Variants in SKP1 observed in about 807,000 individuals in gnomAD.
SKP1 encodes the protein S-phase kinase-associated protein 1.
Under a neutral mutation model 21.5 loss-of-function variants are expected in SKP1, and 1 was observed. That is an observed-to-expected ratio of 0.05 (90% CI 0.02 to 0.22). The LOEUF is 0.22. Among genes scored for constraint, SKP1 ranks in the 10% least tolerant of loss-of-function variants. The pLI is 1.00. For synonymous variants in SKP1, 59 were observed against 59.3 expected (o/e 0.99, Z 0.03); for missense variants, 70 against 192.0 (o/e 0.36, Z 3.76).
At chr5:134,158,408 C>T (rs1761158242) in intron 5 of SKP1, 47 bp downstream of exon 5, 1 of 1,613,462 alleles carries the variant, frequency 6.2e-7, no homozygotes, top group Non-Finnish European at 8.5e-7. Context: ...AGGTGTTACT[C>T]CCTTTTTAAG....
chr5:134,175,059 G>A (rs1161573947), intron 1 of SKP1: 1 of 152,136 alleles, frequency 6.6e-6, no homozygotes, highest in African/African-American at 2.4e-5. Context: ...TTCTAGGTGT[G>A]TTGTATTACA....
intron 2 of SKP1, among the ~76,000 whole-genome samples, chr5:134,171,826 C>G (rs979544118): frequency 6.6e-6 from 1 of 152,182 alleles, no homozygotes; most frequent in African/African-American, 2.4e-5. Context: ...GGGCGGATCA[C>G]CTGAGGTCAG....
At chr5:134,167,534 T>C (rs1761354094) in intron 2 of SKP1, among the ~76,000 whole-genome samples, 1 of 152,094 alleles carries the variant, frequency 6.6e-6, no homozygotes, top group Admixed American at 6.5e-5. Context: ...AGGGGTTTTT[T>C]TTTTTTGAGA....
chr5:134,169,858 G>A (rs889219327), intron 2 of SKP1, among the ~76,000 whole-genome samples: 28 of 152,316 alleles, frequency 1.8e-4, no homozygotes, highest in African/African-American at 6.0e-4. Context: ...AAAACTAGCC[G>A]GGTGTGGTGG....
At chr5:134,166,315 G>A (rs1425020004) in intron 3 of SKP1, among the ~76,000 whole-genome samples, 1 of 151,644 alleles carries the variant, frequency 6.6e-6, no homozygotes, top group Non-Finnish European at 1.5e-5. Flanking sequence ...GGGCGCGGTG[G>A]CTCACACCTG....
intron 5 of SKP1, 63 bp downstream of exon 5, chr5:134,158,392 T>C: frequency 6.2e-7 from 1 of 1,612,730 alleles, no homozygotes; most frequent in South Asian, 1.1e-5. Context: ...TTTGCTGGCA[T>C]GTTATAGGTG....
chr5:134,165,839 T>C (rs571762162), intron 3 of SKP1, among the ~76,000 whole-genome samples: 2 of 151,302 alleles, frequency 1.3e-5, no homozygotes, highest in South Asian at 2.1e-4. Flanking sequence ...TGAGCCGAGA[T>C]TGTGCCACTG....
Position 134,151,620 on chromosome 5 carries a change from A to G in SKP1, c.*6113T>C, listed in dbSNP as rs1761044416. 3 of 454,464 alleles carry G rather than the reference A, an allele frequency of 6.6e-6. No homozygotes were observed. The highest frequency in any genetic ancestry group is 2.0e-5 in the African/African-American group (1 of 49,976). The allele number at this position is 454,464 out of a possible 1,614,324, so 28.2% of individuals were successfully genotyped here. ...CAGGTTGAAAATTTGAAGTTAAGAG[A>G]TATCAGAAGGTCTGAATATACTTAA... On this transcript the variant is annotated 3_prime_UTR_variant, in exon 6 of 6. Transcript: ENST00000353411.
intron 2 of SKP1, among the ~76,000 whole-genome samples, chr5:134,168,596 G>A (rs1319133321): frequency 3.3e-5 from 5 of 152,156 alleles, no homozygotes; most frequent in South Asian, 2.1e-4. Flanking sequence ...ACACAATTAC[G>A]GGGCTATCAA....
rs56936628 is a variant in SKP1 at position 134,154,447 on chromosome 5, C to CAAAAAAAAA, written c.*3277_*3285dup. The CAAAAAAAAA allele has an allele frequency of 1.9e-5, 1 of 51,650 alleles. No homozygotes were observed. The highest frequency in any genetic ancestry group is 5.9e-5 in the African/African-American group (1 of 16,964). 3.2% of individuals were successfully genotyped at this position (51,650 alleles called of 1,614,324 possible). On this transcript the variant is annotated 3_prime_UTR_variant, in exon 6 of 6. Transcript: ENST00000353411. ...TGGGCGACAGAGTGAGACTCTGTCT[C>CAAAAAAAAA]AAAAAAAAAAAAAAAAAAAAAAAAA...
At chr5:134,160,424 CA>C (rs1761199080) in intron 4 of SKP1, among the ~76,000 whole-genome samples, 1 of 151,880 alleles carries the variant, frequency 6.6e-6, no homozygotes, top group African/African-American at 2.4e-5. Flanking sequence ...AGTGTTATAT[CA>C]AGTTATCCTG....
chr5:134,165,871 G>A (rs1761320919), intron 3 of SKP1, among the ~76,000 whole-genome samples: 1 of 151,490 alleles, frequency 6.6e-6, no homozygotes, highest in Admixed American at 6.6e-5. Flanking sequence ...GGGCAACAGA[G>A]TGAGATCAAA....
In SKP1 at chr5:134,151,449, G is replaced by A. The variant is rs1761041628; in HGVS notation, c.*6284C>T. On this transcript the variant is annotated 3_prime_UTR_variant, in exon 6 of 6. Coordinates refer to ENST00000353411, the MANE Select transcript of SKP1 (RefSeq NM_170679.3). Reference sequence around the variant, plus strand: ...CAGAAAAATCTGCAAAGCAACTGAAGAAGGCAGTTAGAGGTTGTGAAATGG... The same window carrying A: ...CAGAAAAATCTGCAAAGCAACTGAAAAAGGCAGTTAGAGGTTGTGAAATGG... 1 of 264,916 alleles carries A rather than the reference G, an allele frequency of 3.8e-6. No homozygotes were observed. The highest frequency in any genetic ancestry group is 3.8e-5 in the South Asian group (1 of 26,336). The allele number at this position is 264,916 out of a possible 1,614,324, so 16.4% of individuals were successfully genotyped here. A position where few individuals can be genotyped will look rare whatever the true frequency, so the allele number is the denominator to read the frequency against.
At chr5:134,169,328 C>G (rs375152612) in intron 2 of SKP1, among the ~76,000 whole-genome samples, 43 of 152,310 alleles carry the variant, frequency 2.8e-4, no homozygotes, top group African/African-American at 9.4e-4. Flanking sequence ...ATGCCTATCC[C>G]TGATCCTATC....
intron 2 of SKP1, among the ~76,000 whole-genome samples, chr5:134,172,546 A>G (rs1043927039): frequency 2.6e-5 from 4 of 151,654 alleles, no homozygotes; most frequent in African/African-American, 9.7e-5. Context: ...AGGAATGACA[A>G]AACAGACAAA....
intron 2 of SKP1, among the ~76,000 whole-genome samples, chr5:134,170,746 T>C (rs1439644796): frequency 2.0e-5 from 3 of 152,234 alleles, no homozygotes; most frequent in African/African-American, 7.2e-5. Flanking sequence ...ATCCGTCCAC[T>C]TACTTCAGTG....
chr5:134,165,579 CTG>C (rs1761313635), intron 3 of SKP1, among the ~76,000 whole-genome samples: 1 of 68,066 alleles, frequency 1.5e-5, no homozygotes, highest in Non-Finnish European at 2.6e-5. Context: ...GACAGAGTGT[CTG>C]TCTCAAAAAA....
Position 134,157,390 on chromosome 5 carries a change from G to C in SKP1, c.*343C>G, listed in dbSNP as rs989807301. The C allele has an allele frequency of 5.3e-6, 1 of 187,342 alleles. No individual in the cohort carries two copies. Among genetic ancestry groups the C allele is most frequent in the African/African-American group, 2.3e-5 (1 of 42,570 alleles). 11.6% of individuals were successfully genotyped at this position (187,342 alleles called of 1,614,324 possible). On this transcript the variant is annotated 3_prime_UTR_variant, in exon 6 of 6. Coordinates refer to ENST00000353411, the MANE Select transcript of SKP1 (RefSeq NM_170679.3). ...TTTTGCAAGTTGTTTTATTTACAAT[G>C]CCAACTTTTAAAAGGTCACTAAAGT...
rs1761125655 is a variant in SKP1, at chr5:134,156,654, C to T, written c.*1079G>A. On this transcript the variant is annotated 3_prime_UTR_variant, in exon 6 of 6. Transcript: ENST00000353411. ...ACTTCATTCTATTGTAGGAGGGAAG[C>T]TGGAAACAATGGCAGAGTAATTTTG... 6.6e-6 allele frequency: 1 copy of T among 152,184 alleles called. No homozygotes were observed. Among genetic ancestry groups the T allele is most frequent in the Admixed American group, 6.5e-5 (1 of 15,278 alleles). The allele number at this position is 152,184 out of a possible 1,614,324, so 9.4% of individuals were successfully genotyped here. A position where few individuals can be genotyped will look rare whatever the true frequency, so the allele number is the denominator to read the frequency against.
Sources: gnomAD v4.1 joint callset for allele counts (sites outside exome capture counted in the v4.1 genomes callset) on GRCh38, gnomAD v4.1.1 for gene constraint, MANE v1.5 for transcripts, NCBI Gene and HGNC (gene_info 2026-07-23, HGNC 2026-07-21) for gene names.